Variants in ARHGAP44 observed in about 807,000 individuals in gnomAD.
ARHGAP44 encodes rho GTPase-activating protein 44.
Under a neutral mutation model 106.8 loss-of-function variants are expected in ARHGAP44, and 43 were observed. The observed-to-expected ratio is 0.40, with a 90% CI of 0.32 to 0.52. The LOEUF (loss-of-function observed/expected upper bound fraction) is 0.52. Among genes scored for constraint, ARHGAP44 ranks in the 20% least tolerant of loss-of-function variants. ARHGAP44 has a pLI of 0.48. For synonymous variants in ARHGAP44, 439 were observed against 410.3 expected (o/e 1.07, Z -0.85); for missense variants, 866 against 1,050.5 (o/e 0.82, Z 2.43).
chr17:12,948,162 C>T (rs2038901742), intron 10 of ARHGAP44, among the ~76,000 whole-genome samples: 1 of 152,232 alleles, frequency 6.6e-6, no homozygotes, highest in African/African-American at 2.4e-5. Flanking sequence ...CCAACTCTGA[C>T]CTGCATTCAT....
chr17:12,790,189 G>C (rs566296553), intron 1 of ARHGAP44: 2 of 402,530 alleles, frequency 5.0e-6, no homozygotes, highest in Non-Finnish European at 4.4e-6. Context: ...GCCTTTCCCC[G>C]GGACTCCCTT....
chr17:12,896,377 C>T, intron 2 of ARHGAP44, 30 bp from the exon 3 acceptor site: 1 of 1,558,602 alleles, frequency 6.4e-7, no homozygotes, highest in Non-Finnish European at 8.7e-7. Flanking sequence ...TGCCCTCTCT[C>T]AGTGGCACCA....
At position 12,904,231 on chromosome 17, in the gene ARHGAP44, C is replaced by G. The variant is rs144229793; in HGVS notation, c.199-4666C>G. ...AAGCGATTCTCCTGCCTCAGCCTCC[C>G]GAGTAGCTGGGATTACAGGTGCATG... On this transcript the variant is annotated intron_variant, in intron 3 of 20. Coordinates refer to ENST00000379672, the MANE Select transcript of ARHGAP44 (RefSeq NM_014859.6). Among the ~76,000 whole-genome samples, 233 of 152,222 alleles carry G rather than the reference C, an allele frequency of 1.5e-3. 4 individuals carry two copies. The East Asian group carries it at 0.039, about 26-fold the overall frequency.
intron 6 of ARHGAP44, 42 bp from the exon 7 acceptor site, chr17:12,928,887 C>T: frequency 1.3e-6 from 2 of 1,537,082 alleles, no homozygotes; most frequent in South Asian, 2.4e-5. Flanking sequence ...ATCCCCAGGG[C>T]TCTACCTGTC....
At chr17:12,945,757 T>G (rs1409348411) in intron 10 of ARHGAP44, among the ~76,000 whole-genome samples, 1 of 152,166 alleles carries the variant, frequency 6.6e-6, no homozygotes, top group Non-Finnish European at 1.5e-5. Context: ...ATGCCAGGCA[T>G]TTGCATGTTT....
At position 12,816,725 on chromosome 17, in the gene ARHGAP44, G is replaced by A. The variant is rs150128842; in HGVS notation, c.53+26834G>A. 4.9e-4 allele frequency among the ~76,000 whole-genome samples: 75 copies of A among 152,250 alleles called. No individual in the cohort carries two copies. The East Asian group carries it at 0.012, about 24-fold the overall frequency. On this transcript the variant is annotated intron_variant, in intron 1 of 20. Transcript: ENST00000379672. Reference sequence around the variant, plus strand: ...AGAAAGACAAAATAATTCTACGTGTGTATGCATCTGAGAATAGAGGCTCAA... The same window carrying A: ...AGAAAGACAAAATAATTCTACGTGTATATGCATCTGAGAATAGAGGCTCAA...
At chr17:12,962,706 C>T (rs958145766) in intron 16 of ARHGAP44, among the ~76,000 whole-genome samples, 19 of 152,056 alleles carry the variant, frequency 1.2e-4, no homozygotes, top group Admixed American at 3.3e-4. Context: ...AGCCTTGCTC[C>T]CTCCTTGATT....
chr17:12,963,939 A>G (rs886244935), intron 16 of ARHGAP44, among the ~76,000 whole-genome samples: 1 of 152,160 alleles, frequency 6.6e-6, no homozygotes, highest in Non-Finnish European at 1.5e-5. Context: ...TAATTTTGCC[A>G]CTCTGAATGA....
At chr17:12,895,492 T>G (rs1245257800) in intron 2 of ARHGAP44, among the ~76,000 whole-genome samples, 1 of 152,204 alleles carries the variant, frequency 6.6e-6, no homozygotes, top group East Asian at 1.9e-4. Context: ...AATGTCTTCT[T>G]TTGAGAAGTG....
chr17:12,920,568 A>G (rs551890993), intron 6 of ARHGAP44, among the ~76,000 whole-genome samples: 8 of 152,148 alleles, frequency 5.3e-5, no homozygotes, highest in South Asian at 2.1e-4. Flanking sequence ...GGCACAGCAA[A>G]TGCAAAGGCC....
At chr17:12,852,714 C>T (rs2035791036) in intron 1 of ARHGAP44, among the ~76,000 whole-genome samples, 2 of 151,560 alleles carry the variant, frequency 1.3e-5, no homozygotes, top group Admixed American at 6.6e-5. Context: ...GCTAATTTTT[C>T]GTATTTTTAG....
At chr17:12,818,335 G>GAAAAAAAAAAAAAAA (rs376432420) in intron 1 of ARHGAP44, among the ~76,000 whole-genome samples, 3 of 91,690 alleles carry the variant, frequency 3.3e-5, no homozygotes, top group African/African-American at 3.3e-5. Context: ...ATCTGGAAAA[G>GAAAAAAAAAAAAAAA]AAAAAAAAAA....
At chr17:12,930,960 G>A (rs1489361309) in intron 7 of ARHGAP44, among the ~76,000 whole-genome samples, 1 of 152,152 alleles carries the variant, frequency 6.6e-6, no homozygotes, top group African/African-American at 2.4e-5. Context: ...TAAGGATAAG[G>A]AAGCCAGTGC....
chr17:12,979,867 A>G (rs1213017642), intron 18 of ARHGAP44, among the ~76,000 whole-genome samples, 191 bp from the exon 19 acceptor site: 1 of 152,134 alleles, frequency 6.6e-6, no homozygotes, highest in Non-Finnish European at 1.5e-5. Context: ...AACCCAGGCC[A>G]TCAGAGCTCC....
At chr17:12,989,017 A>AACCCAGG (rs1378043457) in intron 20 of ARHGAP44, 2 of 146,298 alleles carry the variant, frequency 1.4e-5, no homozygotes, top group East Asian at 4.1e-4. Flanking sequence ...GAATCGCTTG[A>AACCCAGG]ACCCAGGAGG....
chr17:12,841,594 T>TCTCTCTCTCTCACA (rs1417307080), intron 1 of ARHGAP44, among the ~76,000 whole-genome samples: 2,819 of 126,278 alleles, frequency 0.022, 72 homozygotes, highest in African/African-American at 0.055. Context: ...TGTCTCTCTC[T>TCTCTCTCTCTCACA]CACACACACA....
chr17:12,903,144 T>A (rs868796331), intron 3 of ARHGAP44, among the ~76,000 whole-genome samples: 3,700 of 111,568 alleles, frequency 0.033, 113 homozygotes, highest in East Asian at 0.14. Flanking sequence ...AGAGAGAGTG[T>A]GTGTGTGTGT....
chr17:12,975,687 A>G (rs1365152944), intron 18 of ARHGAP44, among the ~76,000 whole-genome samples: 1 of 149,852 alleles, frequency 6.7e-6, no homozygotes, highest in African/African-American at 2.5e-5. Context: ...AGTCCCAGCT[A>G]CTGGGGAGGC....
At chr17:12,794,389 C>T (rs1309527363) in intron 1 of ARHGAP44, among the ~76,000 whole-genome samples, 1 of 152,070 alleles carries the variant, frequency 6.6e-6, no homozygotes, top group African/African-American at 2.4e-5. Flanking sequence ...AAGTCCTCAA[C>T]AAATGGTTGA....
Sources: allele counts gnomAD v4.1 joint callset (sites outside exome capture counted in the v4.1 genomes callset), GRCh38; gene constraint gnomAD v4.1.1; transcripts MANE v1.5; gene names NCBI Gene and HGNC (gene_info 2026-07-23, HGNC 2026-07-21).